Variants in SORBS2 observed in about 807,000 individuals in gnomAD.
SORBS2 encodes the protein sorbin and SH3 domain containing 2, also known as sorbin and SH3 domain-containing protein 2.
Under a neutral mutation model 97.7 loss-of-function variants are expected in SORBS2, and 46 were observed. The ratio of observed to expected loss-of-function variants is 0.47; its 90% CI spans 0.37 to 0.60. The LOEUF is 0.60. Ranked by LOEUF, SORBS2 falls within the 20% of genes least tolerant of loss-of-function variation. SORBS2 has a pLI of 0.00. For synonymous variants in SORBS2, 476 were observed against 473.4 expected, an observed-to-expected ratio of 1.01 and a Z score of -0.07; for missense variants, 1,316 against 1,282.3, an observed-to-expected ratio of 1.03 and a Z score of -0.40.
intron 1 of SORBS2, among the ~76,000 whole-genome samples, chr4:185,910,636 C>T (rs991807567): frequency 2.0e-5 from 3 of 152,068 alleles, no homozygotes; most frequent in Non-Finnish European, 2.9e-5. Flanking sequence ...CAGGCTCAGC[C>T]TCCTTAGCTC....
At chr4:185,718,688 A>G (rs1432140046) in intron 2 of SORBS2, among the ~76,000 whole-genome samples, 1 of 152,222 alleles carries the variant, frequency 6.6e-6, no homozygotes, top group Non-Finnish European at 1.5e-5. Flanking sequence ...GTCAAGCAAC[A>G]AAACAATGCA....
At position 185,669,514 on chromosome 4, in the gene SORBS2, A is replaced by AG. The variant is rs1186435525; in HGVS notation, c.-45-7273dup. 2.0e-5 allele frequency among the ~76,000 whole-genome samples: 3 copies of AG among 152,138 alleles called. No individual in the cohort carries two copies. The East Asian group carries it at 5.8e-4, about 29-fold the overall frequency. ...CAGATGTGGAAGCTGGAGGTGGAAG[A>AG]GGGTAGCTGTGGAGCGGGGATGTGA... is the stretch of plus-strand genomic sequence containing the variant. On this transcript the variant is annotated intron_variant, in intron 4 of 20. Coordinates refer to the SORBS2 transcript ENST00000284776.
At chr4:185,906,772 GA>G (rs2099251122) in intron 1 of SORBS2, among the ~76,000 whole-genome samples, 2 of 152,126 alleles carry the variant, frequency 1.3e-5, no homozygotes, top group Non-Finnish European at 2.9e-5. Context: ...TCTAATAAAT[GA>G]ATCTTTTGCT....
At chr4:185,764,947 G>A (rs1226985952) in intron 2 of SORBS2, among the ~76,000 whole-genome samples, 1 of 152,096 alleles carries the variant, frequency 6.6e-6, no homozygotes, top group Non-Finnish European at 1.5e-5. Context: ...GATGATGTAG[G>A]TTTTTAATGA....
chr4:185,808,677 A>T (rs902285390), intron 1 of SORBS2, among the ~76,000 whole-genome samples: 9 of 152,228 alleles, frequency 5.9e-5, no homozygotes, highest in Admixed American at 3.3e-4. Context: ...AGGTTTACTT[A>T]GGAACATTAA....
chr4:185,699,284 C>CTT (rs11435144), intron 2 of SORBS2, among the ~76,000 whole-genome samples: 22,037 of 112,468 alleles, frequency 0.2, 2,948 homozygotes, highest in South Asian at 0.34. Flanking sequence ...TGAAATGTAC[C>CTT]TTTTTTTTTT....
chr4:185,890,364 C>A (rs2149800496), intron 1 of SORBS2, among the ~76,000 whole-genome samples: 2 of 152,266 alleles, frequency 1.3e-5, no homozygotes, highest in Middle Eastern at 3.4e-3. Flanking sequence ...CTGGTATGTT[C>A]TGGGGACTCT....
intron 2 of SORBS2, among the ~76,000 whole-genome samples, chr4:185,748,114 G>C (rs944304090): frequency 1.3e-5 from 2 of 152,024 alleles, no homozygotes; most frequent in African/African-American, 4.8e-5. Context: ...GTAAGTTTTC[G>C]GGTGGCCCAC....
chr4:185,664,834 A>G (rs894137238), intron 4 of SORBS2, among the ~76,000 whole-genome samples: 38 of 152,318 alleles, frequency 2.5e-4, no homozygotes, highest in South Asian at 4.1e-4. Context: ...TTTGTCTATG[A>G]CAGTGCTTAT....
intron 1 of SORBS2, among the ~76,000 whole-genome samples, chr4:185,933,542 T>G (rs28532657): frequency 6.6e-6 from 1 of 152,024 alleles, no homozygotes; most frequent in East Asian, 1.9e-4. Flanking sequence ...TTGCTTGCCT[T>G]TCCCCTTGCT....
In SORBS2 at chr4:185,605,458, T is replaced by C. The variant is rs114553324; in HGVS notation, c.2796+6322A>G. ...ACACCATGTCTGACTAATTTTTGTA[T>C]TTTTAGTGGAGATGGGGGTTTTACC... On this transcript the variant is annotated intron_variant, in intron 12 of 14. Transcript: ENST00000418609. Among the ~76,000 whole-genome samples, 506 of 151,722 alleles carry C rather than the reference T, an allele frequency of 3.3e-3. 6 individuals carry two copies. The highest frequency in any genetic ancestry group is 0.02 in the Admixed American group (300 of 15,224).
At chr4:185,794,020 A>G (rs983224296) in intron 1 of SORBS2, among the ~76,000 whole-genome samples, 24 of 152,306 alleles carry the variant, frequency 1.6e-4, no homozygotes, top group African/African-American at 4.3e-4. Context: ...CCTGCCTTTG[A>G]CAAGGCACAT....
intron 1 of SORBS2, among the ~76,000 whole-genome samples, chr4:185,915,507 A>C (rs974316663): frequency 6.6e-6 from 1 of 152,222 alleles, no homozygotes; most frequent in African/African-American, 2.4e-5. Flanking sequence ...AGGAGAGTAC[A>C]TACAAACAGG....
chr4:185,820,921 G>A (rs2153670497), intron 1 of SORBS2, among the ~76,000 whole-genome samples: 1 of 152,270 alleles, frequency 6.6e-6, no homozygotes, highest in Non-Finnish European at 1.5e-5. Flanking sequence ...ACGGATGACT[G>A]GGCCACATGG....
rs543268658 is a variant in SORBS2 at position 185,747,000 on chromosome 4, C to T, written c.-198+28227G>A. On this transcript the variant is annotated intron_variant, in intron 2 of 20. Coordinates refer to the SORBS2 transcript ENST00000284776. The stretch of plus-strand genomic sequence containing the variant: ...GCCTTAATCCAATCTAGCTGGTGTC[C>T]TTAAGAAGAGTGCCGGGCGCAGTGG... Among the ~76,000 whole-genome samples the T allele has an allele frequency of 3.3e-4, 50 of 152,254 alleles. No individual in the cohort carries two copies. In the East Asian group the frequency reaches 6.0e-3, roughly 18 times the overall value.
Position 185,594,976 on chromosome 4 carries a change from A to G in SORBS2, c.2797-1041T>C, listed in dbSNP as rs184653994. ...CTTTGGGACCAGTTCTTAGATTTCC[A>G]TAGTTATGAGTGGATTACTGATAGG... On this transcript the variant is annotated intron_variant, in intron 12 of 14. Coordinates refer to ENST00000418609, the Ensembl canonical transcript of SORBS2. Among the ~76,000 whole-genome samples, 3 of 152,288 alleles carry G rather than the reference A, an allele frequency of 2.0e-5. No individual in the cohort carries two copies. In the East Asian group the frequency reaches 5.8e-4, roughly 29 times the overall value.
chr4:185,624,510 A>G lies in SORBS2; in HGVS notation c.635-16T>C, dbSNP rs199542636. ...TCATCCCCACCTTTTAATCCAGAGC[A>G]GCGTGGTAGAAGAGAGACATTTGGA... On this transcript the variant is annotated splice_polypyrimidine_tract_variant and intron_variant, in intron 6 of 14. Transcript: ENST00000418609. 112 of 1,583,274 alleles carry G rather than the reference A, an allele frequency of 7.1e-5. No homozygotes were observed. The highest frequency in any genetic ancestry group is 9.2e-5 in the Non-Finnish European group (107 of 1,166,662).
intron 1 of SORBS2, among the ~76,000 whole-genome samples, chr4:185,889,099 T>G (rs944579599): frequency 1.3e-5 from 2 of 152,206 alleles, no homozygotes; most frequent in East Asian, 3.8e-4. Context: ...CTTTTCTGTT[T>G]TACTTTTATC....
intron 1 of SORBS2, among the ~76,000 whole-genome samples, chr4:185,940,272 GC>G (rs1375109221): frequency 2.0e-5 from 3 of 152,150 alleles, no homozygotes; most frequent in Admixed American, 2.0e-4. Flanking sequence ...ATGGTCAACA[GC>G]CCAGTTACCA....
Sources: allele counts gnomAD v4.1 joint callset (sites outside exome capture counted in the v4.1 genomes callset), GRCh38; gene constraint gnomAD v4.1.1; transcripts MANE v1.5; gene names NCBI Gene and HGNC (gene_info 2026-07-23, HGNC 2026-07-21).